The following NEBL variants were observed in gnomAD, a reference collection of about 807,000 sequenced individuals.
NEBL encodes the protein LIM and SH3 protein 2.
NEBL carries 122 observed loss-of-function variants against 140.2 expected under a neutral mutation model. That is an observed-to-expected ratio of 0.87 (90% CI 0.75 to 1.01). The LOEUF is 1.01. Among genes scored for constraint, NEBL ranks in the 50% least tolerant of loss-of-function variants. The pLI, the probability that NEBL is intolerant of heterozygous loss-of-function variation, is 0.00. For synonymous variants in NEBL, 436 were observed against 398.9 expected, an observed-to-expected ratio of 1.09 and a Z score of -1.11; for missense variants, 1,365 against 1,231.3, an observed-to-expected ratio of 1.11 and a Z score of -1.62.
Position 20,782,568 on chromosome 10 carries a change from T to G in NEBL, c.*3179A>C, listed in dbSNP as rs531570077. On this transcript the variant is annotated 3_prime_UTR_variant, in exon 28 of 28. Transcript: ENST00000377122. ...TTGGAAAAACCAGATCTGCATCTTC[T>G]TCAAGAAATAAACCCAGTGGACAGA... 1.3e-5 allele frequency: 2 copies of G among 152,366 alleles called. No homozygotes were observed. Among genetic ancestry groups the G allele is most frequent in the Admixed American group, 1.3e-4 (2 of 15,296 alleles). 9.4% of individuals were successfully genotyped at this position (152,366 alleles called of 1,614,324 possible). A position where few individuals can be genotyped will look rare whatever the true frequency, so the allele number is the denominator to read the frequency against.
intron 2 of NEBL, among the ~76,000 whole-genome samples, chr10:21,023,061 C>A (rs1838863211): frequency 6.6e-6 from 1 of 152,200 alleles, no homozygotes; most frequent in Admixed American, 6.5e-5. Context: ...CAAGTTCCAA[C>A]TTGGGAAGTT....
intron 1 of NEBL, among the ~76,000 whole-genome samples, chr10:21,288,996 C>T (rs1369878635): frequency 1.3e-5 from 2 of 149,428 alleles, no homozygotes; most frequent in African/African-American, 2.5e-5. Flanking sequence ...TACAGGTGCC[C>T]ACAACCAAGC....
At chr10:21,159,311 A>G (rs1017962285) in intron 2 of NEBL, among the ~76,000 whole-genome samples, 1 of 152,118 alleles carries the variant, frequency 6.6e-6, no homozygotes, top group Non-Finnish European at 1.5e-5. Flanking sequence ...TATGGCACAC[A>G]TCGTTTATCT....
At chr10:21,219,063 T>A (rs1305836624) in intron 3 of NEBL, among the ~76,000 whole-genome samples, 1 of 152,210 alleles carries the variant, frequency 6.6e-6, no homozygotes, top group Non-Finnish European at 1.5e-5. Context: ...ATAATCCTCA[T>A]GCCACAGTGG....
intron 2 of NEBL, among the ~76,000 whole-genome samples, chr10:21,022,462 G>C (rs1278753921): frequency 3.9e-5 from 6 of 152,300 alleles, no homozygotes; most frequent in Non-Finnish European, 8.8e-5. Flanking sequence ...AGTCAGATTC[G>C]TGGTAGGAAA....
intron 3 of NEBL, among the ~76,000 whole-genome samples, chr10:21,018,230 C>T (rs1410681395): frequency 1.3e-5 from 2 of 152,148 alleles, no homozygotes; most frequent in Non-Finnish European, 2.9e-5. Flanking sequence ...GGAAGAGAAA[C>T]TAATTTTAAA....
At chr10:21,131,576 A>C (rs897103479) in intron 2 of NEBL, among the ~76,000 whole-genome samples, 14 of 152,216 alleles carry the variant, frequency 9.2e-5, no homozygotes, top group Non-Finnish European at 1.8e-4. Context: ...AAAGCACAGG[A>C]CTGCAGAAAA....
At position 20,825,021 on chromosome 10, in the gene NEBL, C is replaced by T. The variant is rs537989320; in HGVS notation, c.1869+1426G>A. Among the ~76,000 whole-genome samples, 4 of 152,328 alleles carry T rather than the reference C, an allele frequency of 2.6e-5. No homozygotes were observed. The East Asian group carries it at 5.8e-4, about 22-fold the overall frequency. ...GAAGAACACATTCATCCACTCTCAT[C>T]CACACCTTAAGCCTAGGTCCTCCTT... On this transcript the variant is annotated intron_variant, in intron 18 of 27. Coordinates refer to ENST00000377122, the MANE Select transcript of NEBL (RefSeq NM_006393.3).
chr10:21,087,361 T>C (rs887903243), intron 2 of NEBL, among the ~76,000 whole-genome samples: 2 of 152,124 alleles, frequency 1.3e-5, no homozygotes, highest in African/African-American at 4.8e-5. Context: ...TAATTAAGCT[T>C]TTTTTTATTG....
intron 2 of NEBL, among the ~76,000 whole-genome samples, chr10:21,152,583 G>GAA (rs377436400): frequency 1.2e-4 from 17 of 138,010 alleles, no homozygotes; most frequent in Middle Eastern, 3.8e-3. Context: ...CAAGAAAAAA[G>GAA]AAAAAAAAAA....
intron 3 of NEBL, among the ~76,000 whole-genome samples, chr10:21,002,219 A>G (rs904545108): frequency 6.6e-6 from 1 of 151,990 alleles, no homozygotes; most frequent in Non-Finnish European, 1.5e-5. Context: ...ATTTACAGTA[A>G]TATTACTAAC....
chr10:20,831,291 CCTT>C lies in NEBL; in HGVS notation c.1573_1575del (p.Lys525del). The C allele has an allele frequency of 6.2e-7, 1 of 1,609,726 alleles. No homozygotes were observed. The highest frequency in any genetic ancestry group is 8.5e-7 in the Non-Finnish European group (1 of 1,176,764). On this transcript the variant is annotated inframe_deletion, in exon 16 of 28. Coordinates refer to ENST00000377122, the MANE Select transcript of NEBL (RefSeq NM_006393.3). ...TTCCCTTTAATTTCATTTTCTAAGTCCTTCTTGTATTGTTTCTAAAAGAACAGA... is the reference window on the plus strand; with the variant it reads ...TTCCCTTTAATTTCATTTTCTAAGTCCTTGTATTGTTTCTAAAAGAACAGA...
At chr10:21,109,252 A>G (rs920849035) in intron 2 of NEBL, among the ~76,000 whole-genome samples, 1 of 152,166 alleles carries the variant, frequency 6.6e-6, no homozygotes, top group Non-Finnish European at 1.5e-5. Context: ...ATCTACTGAG[A>G]GAATCATGTG....
intron 7 of NEBL, among the ~76,000 whole-genome samples, chr10:20,863,626 C>A (rs1408591800): frequency 1.3e-5 from 2 of 152,126 alleles, no homozygotes; most frequent in African/African-American, 4.8e-5. Context: ...TGACTTTGCA[C>A]CAAATGTTAA....
chr10:21,162,636 C>A (rs983255726), intron 2 of NEBL, among the ~76,000 whole-genome samples: 1 of 152,204 alleles, frequency 6.6e-6, no homozygotes, highest in Non-Finnish European at 1.5e-5. Context: ...ACCTCCCACT[C>A]CAGGCTGAGA....
At chr10:20,835,693 T>TAA in intron 13 of NEBL, 70 bp from the exon 14 acceptor site, 4 of 935,784 alleles carry the variant, frequency 4.3e-6, no homozygotes, top group Non-Finnish European at 6.6e-6. Context: ...TCAATGATAC[T>TAA]AAAAAAAAAA....
chr10:20,937,471 G>A (rs1834553886), intron 4 of NEBL, among the ~76,000 whole-genome samples: 1 of 152,108 alleles, frequency 6.6e-6, no homozygotes, highest in Admixed American at 6.5e-5. Context: ...GAGACAAGAT[G>A]GTCGAATAGG....
At chr10:21,200,066 C>T (rs1841708681) in intron 3 of NEBL, among the ~76,000 whole-genome samples, 1 of 152,026 alleles carries the variant, frequency 6.6e-6, no homozygotes, top group African/African-American at 2.4e-5. Flanking sequence ...CCAGAACACC[C>T]CATGGGATCA....
At chr10:21,138,455 A>G (rs1839459135) in intron 2 of NEBL, among the ~76,000 whole-genome samples, 1 of 152,180 alleles carries the variant, frequency 6.6e-6, no homozygotes, top group South Asian at 2.1e-4. Context: ...GCTAGAAGAA[A>G]TATATAATGA....
Sources: allele counts gnomAD v4.1 joint callset (sites outside exome capture counted in the v4.1 genomes callset), GRCh38; gene constraint gnomAD v4.1.1; transcripts MANE v1.5; gene names NCBI Gene and HGNC (gene_info 2026-07-23, HGNC 2026-07-21).